FRMPD4: variants seen among roughly 807,000 people sequenced by gnomAD.
The protein encoded by FRMPD4 is FERM and PDZ domain containing 4.
A neutral mutation model predicts 94.1 loss-of-function variants in FRMPD4; 22 were observed. The observed-to-expected ratio is 0.23, with a 90% CI of 0.17 to 0.33. The LOEUF (loss-of-function observed/expected upper bound fraction) is 0.33. Ranked by LOEUF, FRMPD4 falls within the 10% of genes least tolerant of loss-of-function variation. The pLI is 1.00. For synonymous variants in FRMPD4, 631 were observed against 548.6 expected, an observed-to-expected ratio of 1.15 and a Z score of -2.10; for missense variants, 1,111 against 1,339.9, an observed-to-expected ratio of 0.83 and a Z score of 2.67.
rs748385175 is a variant in FRMPD4, at chrX:11,895,674, G to A, written c.95+17656G>A. ...GGATGAGAAGATAAACTGTTGTAACGTGAAGGTTCGTTTACATTATGTTAA... is the reference window on the plus strand; with the variant it reads ...GGATGAGAAGATAAACTGTTGTAACATGAAGGTTCGTTTACATTATGTTAA... On this transcript the variant is annotated intron_variant, in intron 3 of 18. Coordinates refer to the FRMPD4 transcript ENST00000640291. 7.2e-5 allele frequency among the ~76,000 whole-genome samples: 8 copies of A among 111,784 alleles called. No individual in the cohort carries two copies. In the South Asian group the frequency reaches 1.5e-3, roughly 21 times the overall value.
chrX:12,249,452 A>T (rs192214020), intron 1 of FRMPD4, among the ~76,000 whole-genome samples: 88 of 110,993 alleles, frequency 7.9e-4, no homozygotes, highest in Middle Eastern at 4.6e-3. Context: ...AGGAACCCAA[A>T]CCAGATGAGC....
At chrX:12,355,800 C>T (rs1049503501) in intron 1 of FRMPD4, among the ~76,000 whole-genome samples, 10 of 111,541 alleles carry the variant, frequency 9.0e-5, no homozygotes, top group African/African-American at 2.6e-4. Context: ...CAAGGAGAAA[C>T]CTTCTCCTTC....
intron 1 of FRMPD4, among the ~76,000 whole-genome samples, chrX:12,170,288 T>C (rs2056199043): frequency 9.1e-6 from 1 of 109,827 alleles, no homozygotes; most frequent in Admixed American, 9.8e-5. Flanking sequence ...TTGTCAATCA[T>C]GAACCGAGAA....
chrX:12,471,480 AC>A (rs1229379219), intron 1 of FRMPD4, among the ~76,000 whole-genome samples: 1 of 111,868 alleles, frequency 8.9e-6, no homozygotes, highest in Non-Finnish European at 1.9e-5. Context: ...AAGCTACGTG[AC>A]TGGATACTTG....
At chrX:12,267,592 T>C (rs1377200341) in intron 1 of FRMPD4, among the ~76,000 whole-genome samples, 1 of 110,801 alleles carries the variant, frequency 9.0e-6, no homozygotes, top group Non-Finnish European at 1.9e-5. Context: ...ACATGGAAAA[T>C]ATTTAGGAGG....
rs2058158380 is a variant in FRMPD4, at chrX:12,521,195, C to A, written c.158+22399C>A. On this transcript the variant is annotated intron_variant, in intron 2 of 16. Coordinates refer to ENST00000675598, the MANE Select transcript of FRMPD4 (RefSeq NM_001368397.1). Reference sequence around the variant, plus strand: ...TAGGTGGCTGATAGGATTTGGCCCACAGGCTATAGTTTGCAGACTCCCGTT... The same window carrying A: ...TAGGTGGCTGATAGGATTTGGCCCAAAGGCTATAGTTTGCAGACTCCCGTT... 1.8e-5 allele frequency among the ~76,000 whole-genome samples: 2 copies of A among 112,270 alleles called. 1 individual carries two copies. Among genetic ancestry groups the A allele is most frequent in the South Asian group, 7.4e-4 (2 of 2,717 alleles).
intron 1 of FRMPD4, among the ~76,000 whole-genome samples, chrX:12,219,316 C>T (rs1368795925): frequency 9.0e-6 from 1 of 111,335 alleles, no homozygotes; most frequent in African/African-American, 3.3e-5. Context: ...CTACAGTGAG[C>T]CATGTTCACA....
Position 12,130,956 on chromosome X carries a change from G to A in FRMPD4, c.95+252938G>A, listed in dbSNP as rs146818845. ...ATTGTTACAGGGTATGTCACATTAA[G>A]AATTCATAGTCTGAAAATTATACAC... On this transcript the variant is annotated intron_variant, in intron 3 of 18. Transcript: ENST00000640291. 7.7e-4 allele frequency among the ~76,000 whole-genome samples: 86 copies of A among 112,335 alleles called. No individual in the cohort carries two copies. In the East Asian group the frequency reaches 0.02, roughly 26 times the overall value.
chrX:12,476,375 A>G (rs1187340507), intron 1 of FRMPD4, among the ~76,000 whole-genome samples: 1 of 112,124 alleles, frequency 8.9e-6, no homozygotes, highest in Non-Finnish European at 1.9e-5. Flanking sequence ...AAGAAAACCT[A>G]GGCAATACCA....
At chrX:12,653,119 T>C (rs184970198) in intron 4 of FRMPD4, among the ~76,000 whole-genome samples, 1 of 112,174 alleles carries the variant, frequency 8.9e-6, no homozygotes, top group East Asian at 2.8e-4. Context: ...CTGAGCCTTG[T>C]TTCCTCATCA....
chrX:11,932,025 G>A (rs1008148284), intron 3 of FRMPD4, among the ~76,000 whole-genome samples: 7 of 111,943 alleles, frequency 6.3e-5, no homozygotes, highest in African/African-American at 2.3e-4. Context: ...CTGATTAAAA[G>A]CTTAATGTCG....
intron 1 of FRMPD4, among the ~76,000 whole-genome samples, chrX:12,189,900 G>T (rs1213759366): frequency 9.0e-6 from 1 of 110,755 alleles, no homozygotes; most frequent in African/African-American, 3.3e-5. Flanking sequence ...AGAAAGAAAA[G>T]GTATACAAAT....
At chrX:12,472,316 A>AGCC (rs2057523596) in intron 1 of FRMPD4, among the ~76,000 whole-genome samples, 1 of 112,190 alleles carries the variant, frequency 8.9e-6, no homozygotes, top group African/African-American at 3.2e-5. Context: ...ACCCAGTATA[A>AGCC]AAGCTAAATA....
At chrX:12,599,145 C>T (rs1032569104) in intron 2 of FRMPD4, among the ~76,000 whole-genome samples, 10 of 110,752 alleles carry the variant, frequency 9.0e-5, no homozygotes, top group African/African-American at 1.6e-4. Flanking sequence ...GGAGACCTGC[C>T]GTGTCTTCAG....
chrX:12,611,484 T>C (rs1433388811), intron 3 of FRMPD4, among the ~76,000 whole-genome samples: 1 of 26,063 alleles, frequency 3.8e-5, no homozygotes, highest in Non-Finnish European at 7.9e-5. Flanking sequence ...CAGAGTAGTA[T>C]CTACCTTGTA....
intron 2 of FRMPD4, among the ~76,000 whole-genome samples, chrX:12,599,736 C>T (rs1032741521): frequency 2.7e-5 from 3 of 111,829 alleles, no homozygotes; most frequent in African/African-American, 9.8e-5. Flanking sequence ...TTTGGGCTCA[C>T]ACCAGAAGTT....
At chrX:12,440,321 A>T (rs2057121086) in intron 1 of FRMPD4, among the ~76,000 whole-genome samples, 1 of 111,895 alleles carries the variant, frequency 8.9e-6, no homozygotes, top group Non-Finnish European at 1.9e-5. Flanking sequence ...CCTTGATTTG[A>T]GGATTTGTAT....
At chrX:12,062,284 T>C (rs1420069448) in intron 3 of FRMPD4, among the ~76,000 whole-genome samples, 1 of 112,089 alleles carries the variant, frequency 8.9e-6, no homozygotes, top group Non-Finnish European at 1.9e-5. Context: ...CGCTGTTTTG[T>C]AGCTTTATGG....
intron 1 of FRMPD4, among the ~76,000 whole-genome samples, chrX:12,178,252 C>G (rs2056317911): frequency 1.8e-5 from 2 of 111,589 alleles, no homozygotes; most frequent in Non-Finnish European, 3.8e-5. Flanking sequence ...GACTTCCCAG[C>G]CTTCATAACC....
Sources: gnomAD v4.1 joint callset for allele counts (sites outside exome capture counted in the v4.1 genomes callset) on GRCh38, gnomAD v4.1.1 for gene constraint, MANE v1.5 for transcripts, NCBI Gene and HGNC (gene_info 2026-07-23, HGNC 2026-07-21) for gene names.